Variants in UNC5C observed in about 807,000 individuals in gnomAD.
The protein encoded by UNC5C is unc-5 netrin receptor C.
In UNC5C, 47 loss-of-function variants were observed where a neutral mutation model predicts 99.8. That is an observed-to-expected ratio of 0.47 (90% CI 0.37 to 0.60). The LOEUF (loss-of-function observed/expected upper bound fraction) is 0.60. Ranked by LOEUF, UNC5C falls within the 20% of genes least tolerant of loss-of-function variation. The pLI, the probability that UNC5C is intolerant of heterozygous loss-of-function variation, is 0.00. For synonymous variants in UNC5C, 487 were observed against 452.2 expected, an observed-to-expected ratio of 1.08 and a Z score of -0.98; for missense variants, 1,062 against 1,165.9, an observed-to-expected ratio of 0.91 and a Z score of 1.30.
At position 95,472,906 on chromosome 4, in the gene UNC5C, T is replaced by TAA. The variant is rs11374828; in HGVS notation, c.124+75826_124+75827dup. Among the ~76,000 whole-genome samples the TAA allele has an allele frequency of 3.9e-4, 57 of 147,654 alleles. 1 individual carries two copies. In the East Asian group the frequency reaches 5.6e-3, roughly 14 times the overall value. On this transcript the variant is annotated intron_variant, in intron 1 of 15. Coordinates refer to ENST00000453304, the MANE Select transcript of UNC5C (RefSeq NM_003728.4). ...TGGCCCGTTCTATTGTTGTAAAATCTAAAAAAAAAAAAATGTGTTCCTGTT... is the reference window on the plus strand; with the variant it reads ...TGGCCCGTTCTATTGTTGTAAAATCTAAAAAAAAAAAAAAATGTGTTCCTGTT...
chr4:95,423,769 T>A (rs1746384644), intron 1 of UNC5C, among the ~76,000 whole-genome samples: 1 of 152,182 alleles, frequency 6.6e-6, no homozygotes, highest in South Asian at 2.1e-4. Flanking sequence ...CCTGCACACA[T>A]GACAGAAAAG....
At chr4:95,485,192 T>C (rs1721291464) in intron 1 of UNC5C, among the ~76,000 whole-genome samples, 1 of 151,808 alleles carries the variant, frequency 6.6e-6, no homozygotes, top group African/African-American at 2.4e-5. Flanking sequence ...CAATTTCTAA[T>C]AAGAAGACAT....
intron 12 of UNC5C, among the ~76,000 whole-genome samples, chr4:95,199,997 A>G (rs1264229424): frequency 6.6e-6 from 1 of 152,204 alleles, no homozygotes; most frequent in East Asian, 1.9e-4. Flanking sequence ...GACTATCAAA[A>G]TTATATGCGC....
At chr4:95,285,531 C>T (rs117305322) in intron 3 of UNC5C, among the ~76,000 whole-genome samples, 1 of 152,134 alleles carries the variant, frequency 6.6e-6, no homozygotes, top group Non-Finnish European at 1.5e-5. Context: ...AAGGTGATTA[C>T]TCATCTGCAT....
chr4:95,368,019 G>A (rs1744625816), intron 1 of UNC5C, among the ~76,000 whole-genome samples: 1 of 152,110 alleles, frequency 6.6e-6, no homozygotes. Flanking sequence ...ATGCATTAGA[G>A]GTCATGAAAG....
At chr4:95,461,192 A>AGT (rs1560841598) in intron 1 of UNC5C, among the ~76,000 whole-genome samples, 2 of 152,200 alleles carry the variant, frequency 1.3e-5, no homozygotes, top group Non-Finnish European at 2.9e-5. Flanking sequence ...CTTAATGCAA[A>AGT]GTATCTTTTT....
chr4:95,493,580 C>T (rs1208117592), intron 1 of UNC5C, among the ~76,000 whole-genome samples: 1 of 151,198 alleles, frequency 6.6e-6, no homozygotes, highest in African/African-American at 2.4e-5. Flanking sequence ...AATGGTACTA[C>T]AAAACACACA....
intron 4 of UNC5C, among the ~76,000 whole-genome samples, chr4:95,274,145 C>T (rs774415838): frequency 3.9e-5 from 6 of 152,114 alleles, no homozygotes; most frequent in African/African-American, 4.8e-5. Context: ...TCAATACAAT[C>T]GGTAGGCAGA....
At chr4:95,356,226 A>AAAAAAAAAAAC (rs1371053400) in intron 1 of UNC5C, among the ~76,000 whole-genome samples, 3 of 144,710 alleles carry the variant, frequency 2.1e-5, no homozygotes, top group South Asian at 2.2e-4. Flanking sequence ...AACAAAAAAA[A>AAAAAAAAAAAC]AACAGATTCC....
At chr4:95,470,956 G>T (rs1475395425) in intron 1 of UNC5C, among the ~76,000 whole-genome samples, 1 of 151,868 alleles carries the variant, frequency 6.6e-6, no homozygotes, top group Non-Finnish European at 1.5e-5. Flanking sequence ...CATCATGAGT[G>T]TCAGGATATA....
chr4:95,286,252 G>A (rs1381592643), intron 3 of UNC5C, among the ~76,000 whole-genome samples: 1 of 152,174 alleles, frequency 6.6e-6, no homozygotes, highest in Admixed American at 6.5e-5. Context: ...TGAAGGTGAT[G>A]TTTCATAAAG....
chr4:95,415,908 ATTG>A lies in UNC5C; in HGVS notation c.125-80280_125-80278del, dbSNP rs1293290630. On this transcript the variant is annotated intron_variant, in intron 1 of 15. Coordinates refer to ENST00000453304, the MANE Select transcript of UNC5C (RefSeq NM_003728.4). ...AGTGCCTTGAAAGTCACTTTTTAAA[ATTG>A]TTGTTTTTTTTTTCACTCTGGCAAT... is the stretch of plus-strand genomic sequence containing the variant. Among the ~76,000 whole-genome samples the A allele has an allele frequency of 1.2e-4, 18 of 151,612 alleles. No homozygotes were observed. The East Asian group carries it at 2.5e-3, about 21-fold the overall frequency.
chr4:95,324,986 T>G (rs2149414947), intron 2 of UNC5C, among the ~76,000 whole-genome samples: 1 of 152,382 alleles, frequency 6.6e-6, no homozygotes, highest in African/African-American at 2.4e-5. Context: ...CAGTGTTTCC[T>G]AAATTGGCTG....
At chr4:95,534,498 G>A (rs909156821) in intron 1 of UNC5C, among the ~76,000 whole-genome samples, 1 of 151,934 alleles carries the variant, frequency 6.6e-6, no homozygotes, top group East Asian at 1.9e-4. Context: ...TAGCTGAAAG[G>A]TTTTTTCTTT....
At chr4:95,449,431 T>C (rs773229552) in intron 1 of UNC5C, among the ~76,000 whole-genome samples, 3 of 152,222 alleles carry the variant, frequency 2.0e-5, no homozygotes, top group Non-Finnish European at 2.9e-5. Context: ...AAATTTGTTA[T>C]AATGAATATT....
At chr4:95,309,045 A>G (rs1398037327) in intron 2 of UNC5C, among the ~76,000 whole-genome samples, 1 of 152,184 alleles carries the variant, frequency 6.6e-6, no homozygotes, top group East Asian at 1.9e-4. Flanking sequence ...CTATAAAGTT[A>G]CAGTATCAAA....
chr4:95,163,065 A>C lies in UNC5C; in HGVS notation c.*6169T>G, dbSNP rs1444174952. 1 of 152,188 alleles carries C rather than the reference A, an allele frequency of 6.6e-6. No homozygotes were observed. Among genetic ancestry groups the C allele is most frequent in the Non-Finnish European group, 1.5e-5 (1 of 68,050 alleles). The allele number at this position is 152,188 out of a possible 1,614,324, so 9.4% of individuals were successfully genotyped here. On this transcript the variant is annotated 3_prime_UTR_variant, in exon 16 of 16. Transcript: ENST00000453304. The stretch of plus-strand genomic sequence containing the variant: ...TATAACACCATGACATCACACACAC[A>C]CAGTGATGTTCCCTGCAACTGGGCT...
At chr4:95,327,742 G>A (rs114231418) in intron 2 of UNC5C, among the ~76,000 whole-genome samples, 2,225 of 152,112 alleles carry the variant, frequency 0.015, 31 homozygotes, top group Middle Eastern at 0.024. Context: ...CAGATGGCCG[G>A]GCTTCACAGA....
At chr4:95,501,892 C>G (rs141552697) in intron 1 of UNC5C, among the ~76,000 whole-genome samples, 136 of 152,210 alleles carry the variant, frequency 8.9e-4, no homozygotes, top group Middle Eastern at 3.4e-3. Context: ...CCAAAGCTTC[C>G]TTCCTCTTAT....
Sources: allele counts gnomAD v4.1 joint callset (sites outside exome capture counted in the v4.1 genomes callset), GRCh38; gene constraint gnomAD v4.1.1; transcripts MANE v1.5; gene names NCBI Gene and HGNC (gene_info 2026-07-23, HGNC 2026-07-21).